The following CFAP298 variants were observed in gnomAD, a reference collection of about 807,000 sequenced individuals.
CFAP298 encodes cilia- and flagella-associated protein 298.
CFAP298 carries 38 observed loss-of-function variants against 41.0 expected under a neutral mutation model. The ratio of observed to expected loss-of-function variants is 0.93; its 90% CI spans 0.72 to 1.22. The LOEUF is 1.22. CFAP298 is among the 50% of genes most tolerant of loss of function. The pLI is 0.00. For missense variants in CFAP298, 348 were observed against 360.3 expected (o/e 0.97, Z 0.28); for synonymous variants, 137 against 135.3 (o/e 1.01, Z -0.09).
At chr21:32,610,254 T>C (rs1203073247) in intron 1 of CFAP298, among the ~76,000 whole-genome samples, 3 of 152,186 alleles carry the variant, frequency 2.0e-5, no homozygotes, top group African/African-American at 7.2e-5. Context: ...AGGAGTGCAG[T>C]GGCGCGATCT....
chr21:32,604,711 G>A (rs913804367), intron 3 of CFAP298, among the ~76,000 whole-genome samples: 4 of 152,232 alleles, frequency 2.6e-5, no homozygotes, highest in Admixed American at 2.0e-4. Context: ...CATGGGGCAG[G>A]AAGGAGAGAA....
chr21:32,602,263 C>T lies in CFAP298; in HGVS notation c.762+9G>A, dbSNP rs759139045. ...CAGCACTGCAGAAAGCCCATCTGTC[C>T]CCTGCTACCTTGAGCTCCTCTTGTC... On this transcript the variant is annotated intron_variant, in intron 6 of 6. Coordinates refer to ENST00000290155, the MANE Select transcript of CFAP298 (RefSeq NM_021254.4). 3.1e-6 allele frequency: 5 copies of T among 1,613,612 alleles called. No individual in the cohort carries two copies. In the South Asian group the frequency reaches 3.3e-5, roughly 11 times the overall value.
intron 2 of CFAP298, among the ~76,000 whole-genome samples, chr21:32,609,103 C>A (rs958766867): frequency 1.3e-5 from 2 of 152,228 alleles, no homozygotes; most frequent in African/African-American, 4.8e-5. Context: ...CAGAGAGAAG[C>A]ATGTCCTTGA....
intron 3 of CFAP298, among the ~76,000 whole-genome samples, chr21:32,606,014 C>T (rs963100892): frequency 6.6e-6 from 1 of 152,142 alleles, no homozygotes; most frequent in Admixed American, 6.5e-5. Context: ...GTACAGAACC[C>T]CACTTCAAAC....
chr21:32,607,860 A>G (rs896876728), intron 2 of CFAP298, 144 bp from the exon 3 acceptor site: 7 of 576,128 alleles, frequency 1.2e-5, no homozygotes, highest in Admixed American at 3.5e-5. Context: ...AGAAGCAAGA[A>G]ACCTGGCTGC....
At chr21:32,611,717 A>T (rs1053645426) in intron 1 of CFAP298, among the ~76,000 whole-genome samples, 1 of 152,140 alleles carries the variant, frequency 6.6e-6, no homozygotes, top group Admixed American at 6.5e-5. Flanking sequence ...ACATTGGGCG[A>T]CTAAAAATAG....
rs372266953 is a variant in CFAP298, at chr21:32,604,255, G to A, written c.404C>T (p.Thr135Ile). 1 of 1,614,074 alleles carries A rather than the reference G, an allele frequency of 6.2e-7. No individual in the cohort carries two copies. Among genetic ancestry groups the A allele is most frequent in the Non-Finnish European group, 8.5e-7 (1 of 1,180,032 alleles). The change falls in exon 4 of 7, where the codon ACC (threonine) becomes ATC (isoleucine). Residue 135 changes from threonine (T) to isoleucine (I), a missense_variant. By Grantham distance (89) the Thr-to-Ile change is moderately conservative. Transcript: ENST00000290155. ...KKQVEAGVCV[T>I]MEMVKDALDQ... ...CAAGGCATCTTTCACCATCTCCATG[G>A]TAACACAGACACCGGCTTCCACTTG...
chr21:32,605,831 C>T (rs1294089855), intron 3 of CFAP298, among the ~76,000 whole-genome samples: 1 of 152,184 alleles, frequency 6.6e-6, no homozygotes, highest in Non-Finnish European at 1.5e-5. Context: ...CTGCCCTTGA[C>T]CTGTGGGGTC....
Position 32,602,778 on chromosome 21 carries a change from T to G in CFAP298, c.666+383A>C, listed in dbSNP as rs543383179. The G allele has an allele frequency of 5.0e-5, 67 of 1,331,212 alleles. No individual in the cohort carries two copies. The South Asian group carries it at 1.1e-3, about 22-fold the overall frequency. The allele number at this position is 1,331,212 out of a possible 1,614,324, so 82.5% of individuals were successfully genotyped here. On this transcript the variant is annotated intron_variant, in intron 5 of 6. Coordinates refer to ENST00000290155, the MANE Select transcript of CFAP298 (RefSeq NM_021254.4). ...CAGGTTACAGCGCTACACGATGTCC[T>G]TCAAAGGTCTCGAACCTTTCCTCCT...
chr21:32,602,499 C>T, intron 5 of CFAP298, 132 bp from the exon 6 acceptor site: 1 of 1,449,248 alleles, frequency 6.9e-7, no homozygotes, highest in Non-Finnish European at 9.0e-7. Context: ...GTCTGATCAC[C>T]CGAAGTGAAG....
Position 32,604,716 on chromosome 21 carries a change from A to AGAG in CFAP298, c.376-436_376-434dup, listed in dbSNP as rs540960346. Among the ~76,000 whole-genome samples the AGAG allele has an allele frequency of 2.2e-3, 334 of 152,342 alleles. 4 individuals carry two copies. Among genetic ancestry groups the AGAG allele is most frequent in the African/African-American group, 7.7e-3 (321 of 41,584 alleles). On this transcript the variant is annotated intron_variant, in intron 3 of 6. Transcript: ENST00000290155. ...GCCCCCTCAGCATGGGGCAGGAAGG[A>AGAG]GAGAAGATGAGGCCAGCTCTAGCTG...
Position 32,603,201 on chromosome 21 carries a change from C to T in CFAP298, c.626G>A (p.Gly209Glu). 2 of 1,614,154 alleles carry T rather than the reference C, an allele frequency of 1.2e-6. No individual in the cohort carries two copies. The highest frequency in any genetic ancestry group is 1.7e-6 in the Non-Finnish European group (2 of 1,180,010). Reference protein sequence around the residue: ...RRTKKLSDYVGKNEKTKIIAK... With the variant: ...RRTKKLSDYVEKNEKTKIIAK... ...GATAATTTTGGTTTTTTCATTCTTC[C>T]CCACGTAGTCTGAAAGCTTCTTCGT... Residue 209 changes from glycine to glutamate, a missense_variant, in exon 5 of 7, where the codon GGG (glycine) becomes GAG (glutamate). By Grantham distance (98) the Gly-to-Glu change is moderately conservative. Transcript: ENST00000290155.
In CFAP298 at chr21:32,612,272, G is replaced by A. The variant is rs746334617; in HGVS notation, c.-29C>T. The A allele has an allele frequency of 6.9e-7, 1 of 1,454,860 alleles. No individual in the cohort carries two copies. Among genetic ancestry groups the A allele is most frequent in the East Asian group, 2.4e-5 (1 of 41,014 alleles). 90.1% of individuals were successfully genotyped at this position (1,454,860 alleles called of 1,614,324 possible). A position where few individuals can be genotyped will look rare whatever the true frequency, so the allele number is the denominator to read the frequency against. On this transcript the variant is annotated 5_prime_UTR_variant, in exon 1 of 7. Coordinates refer to ENST00000290155, the MANE Select transcript of CFAP298 (RefSeq NM_021254.4). ...GGTCCCGCCGAGGTACTGAGGCGTT[G>A]AGAAGGCCCCGGCTGCGTGGCCCGC... is the stretch of plus-strand genomic sequence containing the variant.
chr21:32,603,394 G>A (rs954537062), intron 4 of CFAP298, 102 bp from the exon 5 acceptor site: 11 of 1,298,184 alleles, frequency 8.5e-6, no homozygotes, highest in Admixed American at 2.1e-5. Context: ...ATTTCTCCCC[G>A]TGCTCACCAT....
At position 32,612,374 on chromosome 21, in the gene CFAP298, C is replaced by A. The variant is rs113307894; in HGVS notation, c.-131G>T. 150 of 1,423,760 alleles carry A rather than the reference C, an allele frequency of 1.1e-4. 2 individuals are homozygous for A. The African/African-American group carries it at 1.9e-3, about 18-fold the overall frequency. The allele number at this position is 1,423,760 out of a possible 1,614,324, so 88.2% of individuals were successfully genotyped here. On this transcript the variant is annotated 5_prime_UTR_variant, in exon 1 of 7. Coordinates refer to ENST00000290155, the MANE Select transcript of CFAP298 (RefSeq NM_021254.4). Reference sequence around the variant, plus strand: ...CAGCCGCTCACAGTCCGGAATCCCACGCTCCCTAGCCCGCGGTGAGCGGGG... The same window carrying A: ...CAGCCGCTCACAGTCCGGAATCCCAAGCTCCCTAGCCCGCGGTGAGCGGGG...
chr21:32,612,043 T>G, intron 1 of CFAP298, 62 bp downstream of exon 1: 1 of 1,468,728 alleles, frequency 6.8e-7, no homozygotes. Flanking sequence ...ACCCTGCCCC[T>G]CTTTCTCCAT....
At chr21:32,604,401 GT>G (rs984882524) in intron 3 of CFAP298, 118 bp from the exon 4 acceptor site, 1 of 1,167,612 alleles carries the variant, frequency 8.6e-7, no homozygotes, top group Non-Finnish European at 1.2e-6. Flanking sequence ...AAATCAAACA[GT>G]TCTTGCTCCC....
chr21:32,603,939 C>T (rs539394058), intron 4 of CFAP298, among the ~76,000 whole-genome samples, 186 bp downstream of exon 4: 141 of 152,290 alleles, frequency 9.3e-4, no homozygotes, highest in African/African-American at 3.2e-3. Flanking sequence ...GGCCAAACCC[C>T]TCACTCATGA....
Sources: gnomAD v4.1 joint callset for allele counts (sites outside exome capture counted in the v4.1 genomes callset) on GRCh38, gnomAD v4.1.1 for gene constraint, MANE v1.5 for transcripts, NCBI Gene and HGNC (gene_info 2026-07-23, HGNC 2026-07-21) for gene names.